Variants in EHBP1L1 observed in about 807,000 individuals in gnomAD.
The protein encoded by EHBP1L1 is EH domain binding protein 1 like 1, also known as EH domain-binding protein 1-like protein 1.
In EHBP1L1, 122 loss-of-function variants were observed where a neutral mutation model predicts 151.1. The ratio of observed to expected loss-of-function variants is 0.81; its 90% confidence interval spans 0.70 to 0.94. The LOEUF is 0.94. EHBP1L1 is among the 40% of genes least tolerant of loss of function. EHBP1L1 has a pLI of 0.00. For synonymous variants in EHBP1L1, 878 were observed against 810.1 expected, an observed-to-expected ratio of 1.08 and a Z score of -1.42; for missense variants, 1,941 against 1,959.8, an observed-to-expected ratio of 0.99 and a Z score of 0.18.
chr11:65,592,368 G>C lies in EHBP1L1; in HGVS notation c.*66G>C. 8.4e-7 allele frequency: 1 copy of C among 1,194,784 alleles called. No homozygotes were observed. The highest frequency in any genetic ancestry group is 1.0e-6 in the Non-Finnish European group (1 of 955,474). The allele number at this position is 1,194,784 out of a possible 1,614,324, so 74.0% of individuals were successfully genotyped here. A position where few individuals can be genotyped will look rare whatever the true frequency, so the allele number is the denominator to read the frequency against. On this transcript the variant is annotated 3_prime_UTR_variant, in exon 19 of 19. Transcript: ENST00000309295. ...GCGTCCGCCGCCGCCCCGGGCCTGCGCTGCGGACGACCCGGCCGTCCCGGA... is the reference window on the plus strand; with the variant it reads ...GCGTCCGCCGCCGCCCCGGGCCTGCCCTGCGGACGACCCGGCCGTCCCGGA...
At chr11:65,577,178 C>T (rs1051336569) in intron 1 of EHBP1L1, among the ~76,000 whole-genome samples, 1 of 152,186 alleles carries the variant, frequency 6.6e-6, no homozygotes, top group African/African-American at 2.4e-5. Context: ...CCTAAATATA[C>T]GTGCTTGCTG....
intron 2 of EHBP1L1, 70 bp downstream of exon 2, chr11:65,579,205 G>T: frequency 6.5e-7 from 1 of 1,537,784 alleles, no homozygotes; most frequent in Non-Finnish European, 8.8e-7. Context: ...GGGGGCTGAT[G>T]GGGGAGTGGA....
chr11:65,584,585 G>A (rs894334816), intron 11 of EHBP1L1, 51 bp downstream of exon 11: 185 of 1,585,622 alleles, frequency 1.2e-4, no homozygotes, highest in Non-Finnish European at 1.6e-4. Context: ...TGGAGAGCCA[G>A]GCTCTCAGTG....
Position 65,576,416 on chromosome 11 carries a change from A to T in EHBP1L1, c.104+10A>T. 6.4e-7 allele frequency: 1 copy of T among 1,564,410 alleles called. No homozygotes were observed. The highest frequency in any genetic ancestry group is 8.7e-7 in the Non-Finnish European group (1 of 1,153,422). ...AGTGCACCAAGAAATGGTGAGTGGGAGGGAGGCGGGGGGGCTCCCCCGAAC... is the reference window on the plus strand; with the variant it reads ...AGTGCACCAAGAAATGGTGAGTGGGTGGGAGGCGGGGGGGCTCCCCCGAAC... On this transcript the variant is annotated intron_variant, in intron 1 of 18. Coordinates refer to ENST00000309295, the MANE Select transcript of EHBP1L1 (RefSeq NM_001099409.3).
chr11:65,585,110 T>G lies in EHBP1L1; in HGVS notation c.3452T>G (p.Leu1151Arg). ...CTGQELQLVQ[L>R]EGGGGAGTYR... ...GGGCAGGAGCTGCAGCTGGTACAAC[T>G]GGAGGGCGGCGGCGGCGCCGGCACG... is the stretch of plus-strand genomic sequence containing the variant. Residue 1151 changes from leucine to arginine, a missense_variant, in exon 12 of 19, where the codon CTG (leucine) becomes CGG (arginine). By Grantham distance (102) the Leu-to-Arg change is moderately radical (BLOSUM62 -2). Transcript: ENST00000309295. This position sits in a 1 kb window ranked among gnomAD's most constrained non-coding sequence, Gnocchi z 4.0. 6.6e-7 allele frequency: 1 copy of G among 1,515,094 alleles called. No individual in the cohort carries two copies. The highest frequency in any genetic ancestry group is 8.8e-7 in the Non-Finnish European group (1 of 1,139,734). The allele number at this position is 1,515,094 out of a possible 1,614,324, so 93.9% of individuals were successfully genotyped here.
rs567624942 is a variant in EHBP1L1, at chr11:65,592,536, C to T, written c.*234C>T. On this transcript the variant is annotated 3_prime_UTR_variant, in exon 19 of 19. Coordinates refer to ENST00000309295, the MANE Select transcript of EHBP1L1 (RefSeq NM_001099409.3). The stretch of plus-strand genomic sequence containing the variant: ...CGCTCGCGGCGGGTGCGGGGTCCTC[C>T]CCGACGGCACGGCCGGGCCGGCGGC... 198 of 205,842 alleles carry T rather than the reference C, an allele frequency of 9.6e-4. 1 individual carries two copies. The highest frequency in any genetic ancestry group is 4.1e-3 in the African/African-American group (175 of 42,214). The allele number at this position is 205,842 out of a possible 1,614,324, so 12.8% of individuals were successfully genotyped here. A position where few individuals can be genotyped will look rare whatever the true frequency, so the allele number is the denominator to read the frequency against.
At chr11:65,589,871 G>A (rs1328392475) in intron 13 of EHBP1L1, 51 bp downstream of exon 13, 2 of 1,538,650 alleles carry the variant, frequency 1.3e-6, no homozygotes, top group East Asian at 2.4e-5. Flanking sequence ...CACAAAGCCT[G>A]GACTGGGGAC....
rs776699410 is a variant in EHBP1L1, at chr11:65,580,355, T to C, written c.510T>C (p.Ser170=). 7 of 1,613,402 alleles carry C rather than the reference T, an allele frequency of 4.3e-6. No homozygotes were observed. Among genetic ancestry groups the C allele is most frequent in the Non-Finnish European group, 5.9e-6 (7 of 1,179,802 alleles). The change falls in exon 6 of 19, where the codon AGT becomes AGC. Residue 170 remains serine (S), a synonymous_variant. Coordinates refer to ENST00000309295, the MANE Select transcript of EHBP1L1 (RefSeq NM_001099409.3). ...CTCCCAGGGACGATGACATGCAGAG[T>C]CTCGCAAGCCTCATGAGTGTGAAGC... The part of the protein sequence containing the change: ...EGRATDDDMQ[S]LASLMSVKPS...
intron 2 of EHBP1L1, 28 bp from the exon 3 acceptor site, chr11:65,579,313 G>T (rs1018132564): frequency 6.6e-6 from 10 of 1,520,066 alleles, no homozygotes; most frequent in Admixed American, 2.0e-5. Context: ...AGTTAAGATG[G>T]GGGGAGGACT....
intron 6 of EHBP1L1, 70 bp from the exon 7 acceptor site, chr11:65,580,988 G>T: frequency 6.5e-7 from 1 of 1,533,142 alleles, no homozygotes; most frequent in South Asian, 1.2e-5. Context: ...GTAGTTGGGG[G>T]AGGGGGTCAG....
intron 12 of EHBP1L1, 48 bp from the exon 13 acceptor site, chr11:65,589,702 AG>A: frequency 6.7e-7 from 1 of 1,486,278 alleles, no homozygotes. Context: ...CCCCAGGCCC[AG>A]GCTGGTGGGA....
intron 9 of EHBP1L1, 101 bp downstream of exon 9, chr11:65,583,866 G>A (rs957512433): frequency 5.1e-5 from 72 of 1,425,022 alleles, no homozygotes; most frequent in Admixed American, 8.7e-5. Context: ...GAATGGGATC[G>A]GGTGGGGTGG....
In EHBP1L1 at chr11:65,589,931, T is replaced by G; in HGVS notation, c.4004-5T>G. On this transcript the variant is annotated splice_region_variant and splice_polypyrimidine_tract_variant and intron_variant, in intron 13 of 18. Transcript: ENST00000309295. The stretch of plus-strand genomic sequence containing the variant: ...GGGGTGCCTTATCATCATCTCTGTC[T>G]GCAGGTGGGAGTTCCCCCTCGGAGG... The G allele has an allele frequency of 6.4e-7, 1 of 1,558,462 alleles. No homozygotes were observed. The highest frequency in any genetic ancestry group is 1.9e-5 in the Admixed American group (1 of 53,188).
chr11:65,576,433 C>T (rs1447551017), intron 1 of EHBP1L1, 27 bp downstream of exon 1: 2 of 1,548,200 alleles, frequency 1.3e-6, no homozygotes, highest in Non-Finnish European at 1.7e-6. Context: ...CGGGGGGGCT[C>T]CCCCGAACTT....
At position 65,580,331 on chromosome 11, in the gene EHBP1L1, T is replaced by A; in HGVS notation, c.492-6T>A. 6.2e-7 allele frequency: 1 copy of A among 1,613,712 alleles called. No homozygotes were observed. The highest frequency in any genetic ancestry group is 1.1e-5 in the South Asian group (1 of 91,090). On this transcript the variant is annotated splice_polypyrimidine_tract_variant and splice_region_variant and intron_variant, in intron 5 of 18. Transcript: ENST00000309295. ...TCCACCCTCACCTTTAACCTCTGCC[T>A]CCCAGGGACGATGACATGCAGAGTC... is the stretch of plus-strand genomic sequence containing the variant.
Position 65,580,495 on chromosome 11 carries a change from G to A in EHBP1L1, c.634+16G>A, listed in dbSNP as rs878879082. 1 of 1,607,760 alleles carries A rather than the reference G, an allele frequency of 6.2e-7. No homozygotes were observed. The highest frequency in any genetic ancestry group is 8.5e-7 in the Non-Finnish European group (1 of 1,179,020). The stretch of plus-strand genomic sequence containing the variant: ...CCCCAGCCAGGTGGGCTCACAGCCT[G>A]CTGTGGATCGAGACTGCCAAGACCT... On this transcript the variant is annotated intron_variant, in intron 6 of 18. Transcript: ENST00000309295.
At chr11:65,579,763 G>C (rs1223925122) in intron 3 of EHBP1L1, among the ~76,000 whole-genome samples, 173 bp from the exon 4 acceptor site, 3 of 148,972 alleles carry the variant, frequency 2.0e-5, no homozygotes, top group African/African-American at 7.4e-5. Flanking sequence ...GGAGGCAGAG[G>C]TTGCAGTGAG....
At chr11:65,590,450 C>G in intron 15 of EHBP1L1, 43 bp from the exon 16 acceptor site, 1 of 1,599,546 alleles carries the variant, frequency 6.3e-7, no homozygotes, top group Non-Finnish European at 8.5e-7. Context: ...TACCCTGACA[C>G]GGGGCAGGGG....
chr11:65,581,753 A>C lies in EHBP1L1; in HGVS notation c.1081A>C (p.Ser361Arg). 1.2e-6 allele frequency: 2 copies of C among 1,608,592 alleles called. No homozygotes were observed. Among genetic ancestry groups the C allele is most frequent in the Non-Finnish European group, 1.7e-6 (2 of 1,177,564 alleles). Residue 361 changes from serine (S) to arginine (R), a missense_variant, in exon 9 of 19, where the codon AGC becomes CGC. Physicochemically the swap from Ser to Arg is moderately radical, Grantham distance 110 (BLOSUM62 -1). Transcript: ENST00000309295. ...TEAHGARLGP[S>R]IEDKGSGDPF... ...AGCCCATGGAGCTAGGCTGGGCCCG[A>C]GCATTGAGGATAAAGGTTCTGGAGA...
Sources: allele counts gnomAD v4.1 joint callset (sites outside exome capture counted in the v4.1 genomes callset), GRCh38; gene constraint gnomAD v4.1.1; non-coding constraint Gnocchi (gnomAD v3.1); transcripts MANE v1.5; gene names NCBI Gene and HGNC (gene_info 2026-07-23, HGNC 2026-07-21).